NFIA: variants seen among roughly 807,000 people sequenced by gnomAD.
NFIA encodes nuclear factor 1 A-type.
Under a neutral mutation model 62.8 loss-of-function variants are expected in NFIA, and 8 were observed. The ratio of observed to expected loss-of-function variants is 0.13; its 90% CI spans 0.07 to 0.23. The LOEUF (loss-of-function observed/expected upper bound fraction) is 0.23. NFIA is among the 10% of genes least tolerant of loss of function. The probability of loss-of-function intolerance (pLI) is 1.00; values close to 1 mark genes in which losing one functional copy is unlikely to be tolerated. For synonymous variants in NFIA, 235 were observed against 238.1 expected, an observed-to-expected ratio of 0.99 and a Z score of 0.12; for missense variants, 410 against 642.1, an observed-to-expected ratio of 0.64 and a Z score of 3.91.
chr1:61,251,580 GCTT>G (rs1656043293), intron 2 of NFIA, among the ~76,000 whole-genome samples: 1 of 152,084 alleles, frequency 6.6e-6, no homozygotes, highest in African/African-American at 2.4e-5. Context: ...TGAGATTAAG[GCTT>G]CTTATTGCTA....
chr1:61,245,494 C>G (rs889851845), intron 2 of NFIA, among the ~76,000 whole-genome samples: 6 of 152,082 alleles, frequency 3.9e-5, no homozygotes, highest in African/African-American at 1.2e-4. Flanking sequence ...AAAATAAATT[C>G]TATTAATAAT....
At chr1:61,176,872 C>T (rs763251808) in intron 2 of NFIA, among the ~76,000 whole-genome samples, 3 of 151,914 alleles carry the variant, frequency 2.0e-5, no homozygotes, top group Admixed American at 6.6e-5. Context: ...TGGGAGGCTG[C>T]GGCGGGCAGA....
rs1646127237 is a variant in NFIA at position 61,082,581 on chromosome 1, G to A, written c.-211G>A. On this transcript the variant is annotated 5_prime_UTR_variant, in exon 1 of 11. An upstream start codon of the reference 5' UTR is lost. Transcript: ENST00000403491. ...TAGGCGGGGTTAAAGTTCAGCTCAT[G>A]GAGCGGCAATAGCGCTGGCTGGCTG... 1.2e-5 allele frequency: 18 copies of A among 1,480,000 alleles called. No individual in the cohort carries two copies. The highest frequency in any genetic ancestry group is 1.5e-5 in the Non-Finnish European group (17 of 1,111,512). The allele number at this position is 1,480,000 out of a possible 1,614,324, so 91.7% of individuals were successfully genotyped here.
intron 3 of NFIA, among the ~76,000 whole-genome samples, chr1:61,304,796 G>T (rs1282275521): frequency 1.3e-5 from 2 of 152,098 alleles, no homozygotes; most frequent in African/African-American, 4.8e-5. Context: ...GAACAATAAC[G>T]TGGCACCACC....
intron 10 of NFIA, among the ~76,000 whole-genome samples, chr1:61,434,300 G>A (rs1343253835): frequency 2.0e-5 from 3 of 152,086 alleles, no homozygotes; most frequent in African/African-American, 4.8e-5. Flanking sequence ...TGAATAGTAA[G>A]CAACACCTCG....
At chr1:61,145,105 C>T (rs1647830995) in intron 2 of NFIA, among the ~76,000 whole-genome samples, 1 of 152,076 alleles carries the variant, frequency 6.6e-6, no homozygotes, top group African/African-American at 2.4e-5. Context: ...ATATTTTATT[C>T]TTGAAATGCT....
At chr1:61,221,628 G>A (rs1211074973) in intron 2 of NFIA, among the ~76,000 whole-genome samples, 4 of 152,174 alleles carry the variant, frequency 2.6e-5, no homozygotes, top group South Asian at 2.1e-4. Context: ...TTAAAAATTG[G>A]CATCCTGAAA....
At chr1:61,378,915 T>A (rs1664275129) in intron 6 of NFIA, among the ~76,000 whole-genome samples, 1 of 152,172 alleles carries the variant, frequency 6.6e-6, no homozygotes, top group African/African-American at 2.4e-5. Context: ...GCTGACTTCT[T>A]CAAAGCCTGA....
chr1:61,151,346 A>T (rs1378448674), intron 2 of NFIA, among the ~76,000 whole-genome samples: 1 of 149,730 alleles, frequency 6.7e-6, no homozygotes, highest in Non-Finnish European at 1.5e-5. Flanking sequence ...AGTAGCTGGG[A>T]CTACAGGCTT....
chr1:61,457,435 G>A lies in NFIA; in HGVS notation c.*2115G>A, dbSNP rs1668358029. Reference sequence around the variant, plus strand: ...TAGAAAGCTAGTTGTTCCGCAGATAGGAGTAGTCTTTATTGTCCTGTACGG... The same window carrying A: ...TAGAAAGCTAGTTGTTCCGCAGATAAGAGTAGTCTTTATTGTCCTGTACGG... On this transcript the variant is annotated 3_prime_UTR_variant, in exon 11 of 11. Coordinates refer to ENST00000403491, the MANE Select transcript of NFIA (RefSeq NM_001134673.4). This position sits in a 1 kb window ranked among gnomAD's most constrained non-coding sequence, Gnocchi z 4.2. The A allele has an allele frequency of 6.6e-6, 1 of 152,168 alleles. No individual in the cohort carries two copies. The highest frequency in any genetic ancestry group is 2.4e-5 in the African/African-American group (1 of 41,444). The allele number at this position is 152,168 out of a possible 1,614,324, so 9.4% of individuals were successfully genotyped here.
chr1:61,204,433 TA>T (rs1652755147), intron 2 of NFIA, among the ~76,000 whole-genome samples: 1 of 152,256 alleles, frequency 6.6e-6, no homozygotes, highest in South Asian at 2.1e-4. Flanking sequence ...TAAATGACCC[TA>T]AAGGTAGTAC....
At chr1:61,337,570 GT>G (rs1377338602) in intron 4 of NFIA, among the ~76,000 whole-genome samples, 3 of 152,170 alleles carry the variant, frequency 2.0e-5, no homozygotes. Flanking sequence ...GGGGAAGGGG[GT>G]TTTACAAGTG....
At chr1:61,428,351 A>G (rs941105992) in intron 10 of NFIA, among the ~76,000 whole-genome samples, 1 of 150,516 alleles carries the variant, frequency 6.6e-6, no homozygotes, top group African/African-American at 2.4e-5. Context: ...GAATGATGTC[A>G]TGTAGGCCCA....
intron 1 of NFIA, among the ~76,000 whole-genome samples, 171 bp downstream of exon 1, chr1:61,082,989 TGG>T (rs373331880): frequency 4.1e-4 from 12 of 29,162 alleles, no homozygotes; most frequent in African/African-American, 6.1e-4. Flanking sequence ...TGCCCGCGGG[TGG>T]GGGGGGGGAT....
intron 9 of NFIA, among the ~76,000 whole-genome samples, chr1:61,423,488 A>G (rs954611509): frequency 6.6e-6 from 1 of 152,170 alleles, no homozygotes; most frequent in Non-Finnish European, 1.5e-5. Flanking sequence ...TCATAGTTCT[A>G]CCTACAGCTT....
intron 2 of NFIA, among the ~76,000 whole-genome samples, chr1:61,128,426 C>T (rs981813905): frequency 6.6e-6 from 1 of 152,072 alleles, no homozygotes; most frequent in Non-Finnish European, 1.5e-5. Context: ...GCCTAGGAAA[C>T]ATAGCGAAAC....
At chr1:61,369,317 G>A in intron 6 of NFIA, among the ~76,000 whole-genome samples, 1 of 152,032 alleles carries the variant, frequency 6.6e-6, no homozygotes, top group East Asian at 1.9e-4. Context: ...TAGAATACAA[G>A]CAAATAATTT....
intron 2 of NFIA, among the ~76,000 whole-genome samples, chr1:61,219,600 G>A (rs2100615167): frequency 6.6e-6 from 1 of 151,966 alleles, no homozygotes; most frequent in Admixed American, 6.6e-5. Flanking sequence ...TGTAATCTCA[G>A]CTATTTGGGA....
intron 4 of NFIA, among the ~76,000 whole-genome samples, chr1:61,352,104 T>G (rs1221705095): frequency 1.3e-5 from 2 of 152,188 alleles, no homozygotes; most frequent in Non-Finnish European, 2.9e-5. Context: ...TCAGATAAAG[T>G]TAGAAAAGTC....
Sources: allele counts gnomAD v4.1 joint callset (sites outside exome capture counted in the v4.1 genomes callset), GRCh38; gene constraint gnomAD v4.1.1; non-coding constraint Gnocchi (gnomAD v3.1); transcripts MANE v1.5; gene names NCBI Gene and HGNC (gene_info 2026-07-23, HGNC 2026-07-21).